Variants in KALRN observed in about 807,000 individuals in gnomAD.
KALRN encodes the protein kalirin.
In KALRN, 70 loss-of-function variants were observed where a neutral mutation model predicts 353.7. That is an observed-to-expected ratio of 0.20 (90% CI 0.16 to 0.24). KALRN has a LOEUF of 0.24. KALRN is among the 10% of genes least tolerant of loss of function. The pLI, the probability that KALRN is intolerant of heterozygous loss-of-function variation, is 1.00. For missense variants in KALRN, 2,791 were observed against 3,756.7 expected, an observed-to-expected ratio of 0.74 and a Z score of 6.72; for synonymous variants, 1,391 against 1,434.8, an observed-to-expected ratio of 0.97 and a Z score of 0.69.
chr3:124,173,765 G>A (rs2072248214), intron 1 of KALRN, among the ~76,000 whole-genome samples: 2 of 152,140 alleles, frequency 1.3e-5, no homozygotes, highest in African/African-American at 4.8e-5. Flanking sequence ...ACAGGCATGT[G>A]CCACCACGCC....
intron 1 of KALRN, among the ~76,000 whole-genome samples, chr3:124,209,717 A>G (rs1022201167): frequency 6.6e-6 from 1 of 152,230 alleles, no homozygotes; most frequent in Non-Finnish European, 1.5e-5. Flanking sequence ...TGAAAATTCT[A>G]GACTTGCAAA....
At chr3:124,113,738 C>A (rs1216352598) in intron 1 of KALRN, among the ~76,000 whole-genome samples, 1 of 152,248 alleles carries the variant, frequency 6.6e-6, no homozygotes, top group East Asian at 1.9e-4. Flanking sequence ...CTGGCTCAGC[C>A]TGCGAGGCTC....
chr3:124,191,353 C>T (rs1275775861), intron 1 of KALRN, among the ~76,000 whole-genome samples: 1 of 152,212 alleles, frequency 6.6e-6, no homozygotes, highest in Non-Finnish European at 1.5e-5. Flanking sequence ...TCCCAACCTT[C>T]TAATCATGCT....
intron 11 of KALRN, among the ~76,000 whole-genome samples, chr3:124,389,079 T>TA (rs1433906837): frequency 3.9e-5 from 6 of 152,342 alleles, no homozygotes; most frequent in Admixed American, 3.3e-4. Flanking sequence ...TGGCCTTCGG[T>TA]ACTGCTGATA....
intron 34 of KALRN, among the ~76,000 whole-genome samples, chr3:124,590,432 T>C (rs2075661159): frequency 6.6e-6 from 1 of 152,144 alleles, no homozygotes. Context: ...TGACTCTGTA[T>C]CTGTTTTTTA....
At chr3:124,658,159 A>G (rs1267928272) in intron 41 of KALRN, among the ~76,000 whole-genome samples, 1 of 152,052 alleles carries the variant, frequency 6.6e-6, no homozygotes. Flanking sequence ...CCTGTCTCAG[A>G]AAAAAAAGTA....
At chr3:124,061,689 A>C (rs897226798) in intron 1 of KALRN, among the ~76,000 whole-genome samples, 2 of 152,194 alleles carry the variant, frequency 1.3e-5, no homozygotes, top group African/African-American at 4.8e-5. Flanking sequence ...AATTTTCATC[A>C]GGCCATGACA....
chr3:124,345,681 G>A (rs1262793163), intron 9 of KALRN, among the ~76,000 whole-genome samples: 1 of 152,106 alleles, frequency 6.6e-6, no homozygotes, highest in Non-Finnish European at 1.5e-5. Context: ...TCATGATGAT[G>A]GACAATTACT....
chr3:124,071,682 T>A (rs1244067025), intron 1 of KALRN, among the ~76,000 whole-genome samples: 1 of 152,238 alleles, frequency 6.6e-6, no homozygotes, highest in Middle Eastern at 3.2e-3. Flanking sequence ...GAGGGCCTAA[T>A]CTCAGTCATG....
intron 6 of KALRN, among the ~76,000 whole-genome samples, chr3:124,304,437 G>T (rs1238888116): frequency 6.6e-6 from 1 of 152,134 alleles, no homozygotes; most frequent in Non-Finnish European, 1.5e-5. Context: ...CTATATGCAC[G>T]TTAAATCAGA....
intron 1 of KALRN, among the ~76,000 whole-genome samples, chr3:124,096,961 A>G (rs927242823): frequency 6.6e-6 from 1 of 152,196 alleles, no homozygotes; most frequent in African/African-American, 2.4e-5. Flanking sequence ...CTGTAATTTG[A>G]AAGTTTATGT....
intron 1 of KALRN, chr3:124,100,209 T>C (rs982138666): frequency 6.6e-6 from 1 of 152,122 alleles, no homozygotes; most frequent in African/African-American, 2.4e-5. Context: ...CACTTTTTAG[T>C]GGGATTATTT....
At chr3:124,125,164 T>C (rs544956807) in intron 1 of KALRN, among the ~76,000 whole-genome samples, 1 of 152,248 alleles carries the variant, frequency 6.6e-6, no homozygotes, top group African/African-American at 2.4e-5. Context: ...GGGTTTCACA[T>C]GGGTTATCTC....
chr3:124,397,727 C>T (rs531477466), intron 12 of KALRN, among the ~76,000 whole-genome samples: 19 of 152,188 alleles, frequency 1.2e-4, no homozygotes, highest in Admixed American at 6.5e-5. Flanking sequence ...CTCCCTACTA[C>T]GTTTGTATAG....
chr3:124,560,023 A>T (rs2071765437), intron 33 of KALRN, among the ~76,000 whole-genome samples: 1 of 152,212 alleles, frequency 6.6e-6, no homozygotes, highest in African/African-American at 2.4e-5. Context: ...GGAGGCAAAC[A>T]CTGCCATCTA....
At chr3:124,328,069 A>G (rs1478832679) in intron 7 of KALRN, among the ~76,000 whole-genome samples, 1 of 152,224 alleles carries the variant, frequency 6.6e-6, no homozygotes, top group Non-Finnish European at 1.5e-5. Context: ...GGGTATTTGC[A>G]CCACATACTA....
intron 33 of KALRN, among the ~76,000 whole-genome samples, chr3:124,553,629 T>C (rs1294907877): frequency 6.6e-6 from 1 of 152,230 alleles, no homozygotes; most frequent in African/African-American, 2.4e-5. Context: ...CCCTCTTCTA[T>C]AGGTAGCCTT....
chr3:124,261,917 T>C (rs2072926628), intron 3 of KALRN, among the ~76,000 whole-genome samples: 1 of 152,106 alleles, frequency 6.6e-6, no homozygotes, highest in East Asian at 1.9e-4. Context: ...CACTAATCCC[T>C]GATAGAAAGA....
In KALRN at chr3:124,446,143, C is replaced by G. The variant is rs756303896; in HGVS notation, c.3314-18C>G. On this transcript the variant is annotated intron_variant, in intron 19 of 59. Transcript: ENST00000682506. ...CTCAGAGCCCCTTGTGACCATCATG[C>G]ATCTCCTCTGCCCACAGCCATCCTG... 1 of 1,561,472 alleles carries G rather than the reference C, an allele frequency of 6.4e-7. No individual in the cohort carries two copies. The highest frequency in any genetic ancestry group is 1.1e-5 in the South Asian group (1 of 89,196).
Sources: allele counts gnomAD v4.1 joint callset (sites outside exome capture counted in the v4.1 genomes callset), GRCh38; gene constraint gnomAD v4.1.1; transcripts MANE v1.5; gene names NCBI Gene and HGNC (gene_info 2026-07-23, HGNC 2026-07-21).